CAMK2D: variants seen among roughly 807,000 people sequenced by gnomAD.
CAMK2D encodes calcium/calmodulin dependent protein kinase II delta.
In CAMK2D, 37 loss-of-function variants were observed where a neutral mutation model predicts 84.0. The ratio of observed to expected loss-of-function variants is 0.44; its 90% CI spans 0.34 to 0.58. CAMK2D has a LOEUF of 0.58. Among genes scored for constraint, CAMK2D ranks in the 20% least tolerant of loss-of-function variants. The pLI, the probability that CAMK2D is intolerant of heterozygous loss-of-function variation, is 0.02. For synonymous variants in CAMK2D, 202 were observed against 212.5 expected, an observed-to-expected ratio of 0.95 and a Z score of 0.43; for missense variants, 448 against 652.5, an observed-to-expected ratio of 0.69 and a Z score of 3.41.
intron 3 of CAMK2D, among the ~76,000 whole-genome samples, chr4:113,616,295 TC>T (rs2099020750): frequency 6.6e-6 from 1 of 152,120 alleles, no homozygotes; most frequent in South Asian, 2.1e-4. Flanking sequence ...AGTTACTGGA[TC>T]CCAAGATAAG....
At chr4:113,731,551 A>G (rs373861095) in intron 2 of CAMK2D, among the ~76,000 whole-genome samples, 2 of 152,034 alleles carry the variant, frequency 1.3e-5, no homozygotes, top group Admixed American at 6.6e-5. Flanking sequence ...AAAACACTTC[A>G]AAGTATAAAA....
chr4:113,582,504 T>C (rs2098815143), intron 4 of CAMK2D, among the ~76,000 whole-genome samples: 1 of 152,200 alleles, frequency 6.6e-6, no homozygotes. Context: ...TTAACTCATA[T>C]CTAAAAATTC....
chr4:113,753,776 CTTTT>C (rs199964259), intron 2 of CAMK2D: 5 of 443,730 alleles, frequency 1.1e-5, no homozygotes, highest in African/African-American at 7.1e-5. Flanking sequence ...TTTATTTAGA[CTTTT>C]TTTTTCGGTT....
intron 16 of CAMK2D, among the ~76,000 whole-genome samples, chr4:113,470,416 C>T (rs933977440): frequency 6.6e-6 from 1 of 152,034 alleles, no homozygotes; most frequent in East Asian, 1.9e-4. Context: ...GAGGCCGAGG[C>T]GGGTGGATCA....
chr4:113,645,727 A>T (rs1039976738), intron 3 of CAMK2D, among the ~76,000 whole-genome samples: 1 of 152,094 alleles, frequency 6.6e-6, no homozygotes, highest in African/African-American at 2.4e-5. Context: ...AAAAAAATCC[A>T]TGACATTTAT....
intron 8 of CAMK2D, among the ~76,000 whole-genome samples, chr4:113,530,611 G>A (rs1205477339): frequency 6.6e-6 from 1 of 152,146 alleles, no homozygotes; most frequent in African/African-American, 2.4e-5. Context: ...GTAGGATGGA[G>A]GCCTCATGAA....
At chr4:113,667,525 T>C (rs1488232613) in intron 2 of CAMK2D, among the ~76,000 whole-genome samples, 1 of 152,180 alleles carries the variant, frequency 6.6e-6, no homozygotes, top group African/African-American at 2.4e-5. Flanking sequence ...ACACAGTGAA[T>C]GCATTTTTCT....
Position 113,761,532 on chromosome 4 carries a change from GC to G in CAMK2D, c.-465del, listed in dbSNP as rs2099641403. The G allele has an allele frequency of 2.0e-6, 2 of 1,003,918 alleles. No homozygotes were observed. The highest frequency in any genetic ancestry group is 3.5e-5 in the African/African-American group (2 of 57,604). The allele number at this position is 1,003,918 out of a possible 1,614,324, so 62.2% of individuals were successfully genotyped here. ...GGAGGTGGAGTGCAGCGGGGCCGAG[GC>G]CGCGGAGCCCAGAGCGGACAGCCTG... On this transcript the variant is annotated 5_prime_UTR_variant, in exon 1 of 21. Transcript: ENST00000511664.
At chr4:113,619,120 AGTT>A (rs1194002471) in intron 3 of CAMK2D, among the ~76,000 whole-genome samples, 1 of 152,114 alleles carries the variant, frequency 6.6e-6, no homozygotes, top group Non-Finnish European at 1.5e-5. Context: ...CCATCTTTCC[AGTT>A]GCTCATAAAA....
intron 4 of CAMK2D, 103 bp from the exon 5 acceptor site, chr4:113,552,199 T>A (rs1288680586): frequency 3.3e-6 from 2 of 613,950 alleles, no homozygotes; most frequent in Non-Finnish European, 5.8e-6. Context: ...TTAGATGATT[T>A]AAAAAAAATC....
At chr4:113,737,493 A>G (rs1189719505) in intron 2 of CAMK2D, among the ~76,000 whole-genome samples, 1 of 152,198 alleles carries the variant, frequency 6.6e-6, no homozygotes, top group African/African-American at 2.4e-5. Context: ...GGGAGAGAAC[A>G]GGGAGATACC....
intron 3 of CAMK2D, among the ~76,000 whole-genome samples, chr4:113,628,796 A>G (rs555771774): frequency 7.2e-5 from 11 of 152,192 alleles, no homozygotes; most frequent in African/African-American, 2.4e-4. Flanking sequence ...TATCAGTATC[A>G]TTTTGGAAAA....
intron 3 of CAMK2D, among the ~76,000 whole-genome samples, chr4:113,626,718 T>C (rs1032435172): frequency 6.6e-6 from 1 of 152,148 alleles, no homozygotes; most frequent in Admixed American, 6.6e-5. Context: ...TGCAGGCAAA[T>C]AGAAGGGTTC....
In CAMK2D at chr4:113,743,297, A is replaced by T. The variant is rs138427689; in HGVS notation, c.160+16023T>A. ...AATTAAGAAAAATTAATGTAAACAA[A>T]AGATACCTCTTCTCCTTAAATCTTT... On this transcript the variant is annotated intron_variant, in intron 2 of 20. Transcript: ENST00000511664. Among the ~76,000 whole-genome samples, 7 of 152,312 alleles carry T rather than the reference A, an allele frequency of 4.6e-5. No individual in the cohort carries two copies. In the East Asian group the frequency reaches 1.3e-3, roughly 29 times the overall value.
In CAMK2D at chr4:113,638,914, C is replaced by G. The variant is rs572377189; in HGVS notation, c.220+22799G>C. 1.1e-4 allele frequency among the ~76,000 whole-genome samples: 16 copies of G among 152,090 alleles called. No individual in the cohort carries two copies. In the South Asian group the frequency reaches 2.9e-3, roughly 28 times the overall value. On this transcript the variant is annotated intron_variant, in intron 3 of 20. Transcript: ENST00000511664. ...CCTCCTCTTCCCAGGCAGCTAATAA[C>G]CTAGCTTTATTGTTAATCAGAAAAA... is the stretch of plus-strand genomic sequence containing the variant.
intron 3 of CAMK2D, among the ~76,000 whole-genome samples, chr4:113,647,861 G>C (rs2099157903): frequency 6.6e-6 from 1 of 152,126 alleles, no homozygotes; most frequent in African/African-American, 2.4e-5. Context: ...CAAAAGAAAA[G>C]GTCACTGGAA....
At chr4:113,603,316 C>G (rs1317686668) in intron 4 of CAMK2D, among the ~76,000 whole-genome samples, 3 of 150,256 alleles carry the variant, frequency 2.0e-5, no homozygotes, top group South Asian at 2.1e-4. Context: ...CACCCATTAA[C>G]TCGTCATTTA....
rs562290516 is a variant in CAMK2D at position 113,597,064 on chromosome 4, C to A, written c.275+12088G>T. Among the ~76,000 whole-genome samples the A allele has an allele frequency of 1.2e-4, 19 of 152,236 alleles. No individual in the cohort carries two copies. The South Asian group carries it at 3.9e-3, about 32-fold the overall frequency. The stretch of plus-strand genomic sequence containing the variant: ...CCATCTCCTGACCTGGTGATCTGCC[C>A]ATCTCGGCCTCCCAAAGTGCTGGGA... On this transcript the variant is annotated intron_variant, in intron 4 of 20. Transcript: ENST00000511664.
At chr4:113,558,214 A>G (rs1036220157) in intron 4 of CAMK2D, among the ~76,000 whole-genome samples, 2 of 152,202 alleles carry the variant, frequency 1.3e-5, no homozygotes, top group Non-Finnish European at 2.9e-5. Context: ...TTTCATAATC[A>G]CCATTTAACT....
Sources: gnomAD v4.1 joint callset for allele counts (sites outside exome capture counted in the v4.1 genomes callset) on GRCh38, gnomAD v4.1.1 for gene constraint, MANE v1.5 for transcripts, NCBI Gene and HGNC (gene_info 2026-07-23, HGNC 2026-07-21) for gene names.